Variants in KSR2 observed in about 807,000 individuals in gnomAD.
KSR2 encodes the protein kinase suppressor of ras 2.
Under a neutral mutation model 107.8 loss-of-function variants are expected in KSR2, and 25 were observed. The observed-to-expected ratio is 0.23, with a 90% CI of 0.17 to 0.32. KSR2 has a LOEUF of 0.32. KSR2 is among the 10% of genes least tolerant of loss of function. KSR2 has a pLI of 1.00. For synonymous variants in KSR2, 480 were observed against 507.0 expected (o/e 0.95, Z 0.71); for missense variants, 887 against 1,268.9 (o/e 0.70, Z 4.57).
chr12:117,842,585 C>T lies in KSR2; in HGVS notation c.472+12843G>A, dbSNP rs191352514. Among the ~76,000 whole-genome samples, 110 of 152,314 alleles carry T rather than the reference C, an allele frequency of 7.2e-4. No individual in the cohort carries two copies. Among genetic ancestry groups the T allele is most frequent in the South Asian group, 1.9e-3 (9 of 4,820 alleles). Reference sequence around the variant, plus strand: ...CTCAAAGAGTTCAGGCCCTGCCAAGCACAAGTTCAATGTCAATTCTGCACC... The same window carrying T: ...CTCAAAGAGTTCAGGCCCTGCCAAGTACAAGTTCAATGTCAATTCTGCACC... On this transcript the variant is annotated intron_variant, in intron 3 of 19. Transcript: ENST00000339824. This position sits in a 1 kb window ranked among gnomAD's most constrained non-coding sequence, Gnocchi z 4.2.
At chr12:117,807,191 A>C (rs1367304227) in intron 3 of KSR2, among the ~76,000 whole-genome samples, 1 of 152,150 alleles carries the variant, frequency 6.6e-6, no homozygotes, top group Non-Finnish European at 1.5e-5. Flanking sequence ...CTCAAGAAAC[A>C]AAGCCGGGAG....
chr12:117,607,245 C>T (rs1881326208), intron 5 of KSR2, among the ~76,000 whole-genome samples: 1 of 152,188 alleles, frequency 6.6e-6, no homozygotes, highest in Admixed American at 6.5e-5. Flanking sequence ...GGCTAGTTTG[C>T]ATATACAGGA....
At chr12:117,734,745 C>CATGGATGGATGGATGGATGG (rs1322322640) in intron 4 of KSR2, among the ~76,000 whole-genome samples, 11,326 of 146,260 alleles carry the variant, frequency 0.077, 534 homozygotes, top group East Asian at 0.16. Flanking sequence ...TGCATGCATG[C>CATGGATGGATGGATGGATGG]ATGCATGCAT....
rs201874272 is a variant in KSR2 at position 117,606,596 on chromosome 12, CTTT to C, written c.1172-24240_1172-24238del. Among the ~76,000 whole-genome samples, 65 of 17,108 alleles carry C rather than the reference CTTT, an allele frequency of 3.8e-3. 1 individual carries two copies. Among genetic ancestry groups the C allele is most frequent in the Non-Finnish European group, 8.0e-3 (48 of 5,998 alleles). 11.2% of individuals were successfully genotyped at this position (17,108 alleles called of 152,430 possible). A position where few individuals can be genotyped will look rare whatever the true frequency, so the allele number is the denominator to read the frequency against. ...TCCTCCCTTCCCTTCTTCCTTCCTT[CTTT>C]CCTCCTTCCTTCCTTCCTCCCTCCC... On this transcript the variant is annotated intron_variant, in intron 5 of 19. Coordinates refer to ENST00000339824, the MANE Select transcript of KSR2 (RefSeq NM_173598.6).
rs747049934 is a variant in KSR2, at chr12:117,463,607, C to G, written c.*3592G>C. The G allele has an allele frequency of 1.3e-5, 2 of 152,164 alleles. No individual in the cohort carries two copies. The highest frequency in any genetic ancestry group is 2.9e-5 in the Non-Finnish European group (2 of 68,020). The allele number at this position is 152,164 out of a possible 1,614,324, so 9.4% of individuals were successfully genotyped here. A position where few individuals can be genotyped will look rare whatever the true frequency, so the allele number is the denominator to read the frequency against. Reference sequence around the variant, plus strand: ...AATTTTCATGTCATGAAATATTATTCTTTTGATTTTTCCTCAATTAAAACA... The same window carrying G: ...AATTTTCATGTCATGAAATATTATTGTTTTGATTTTTCCTCAATTAAAACA... On this transcript the variant is annotated 3_prime_UTR_variant, in exon 20 of 20. Transcript: ENST00000339824.
intron 14 of KSR2, among the ~76,000 whole-genome samples, chr12:117,519,443 G>A (rs1874598329): frequency 6.6e-6 from 1 of 152,206 alleles, no homozygotes; most frequent in Non-Finnish European, 1.5e-5. Flanking sequence ...GCGGGGGAGG[G>A]TGGGAGAGAG....
intron 1 of KSR2, among the ~76,000 whole-genome samples, chr12:117,923,955 C>T (rs1895423371): frequency 6.6e-6 from 1 of 150,800 alleles, no homozygotes; most frequent in Non-Finnish European, 1.5e-5. Flanking sequence ...CTCGGCTCAC[C>T]ACAACTTCCA....
intron 3 of KSR2, among the ~76,000 whole-genome samples, chr12:117,767,649 G>T (rs1889286854): frequency 6.7e-6 from 1 of 148,674 alleles, no homozygotes; most frequent in African/African-American, 2.5e-5. Flanking sequence ...GCCAGCTGTG[G>T]TGACCCACGC....
intron 5 of KSR2, among the ~76,000 whole-genome samples, chr12:117,643,315 C>T (rs1428322021): frequency 1.3e-5 from 2 of 152,146 alleles, no homozygotes; most frequent in South Asian, 2.1e-4. Context: ...GGCATGGTGG[C>T]GGGTGCCTGT....
At position 117,481,347 on chromosome 12, in the gene KSR2, T is replaced by TGA. The variant is rs200230294; in HGVS notation, c.2450+3067_2450+3068dup. 7.3e-3 allele frequency among the ~76,000 whole-genome samples: 1,110 copies of TGA among 152,016 alleles called. 16 individuals are homozygous for TGA. Among genetic ancestry groups the TGA allele is most frequent in the African/African-American group, 0.026 (1,071 of 41,452 alleles). ...TTTAGTGATAAAGCCTATAGGGAGGTGATTAAGGTTAAATGAGATTGTAAG... is the reference window on the plus strand; with the variant it reads ...TTTAGTGATAAAGCCTATAGGGAGGTGAGATTAAGGTTAAATGAGATTGTAAG... On this transcript the variant is annotated intron_variant, in intron 16 of 19. Transcript: ENST00000339824.
chr12:117,469,769 A>G lies in KSR2; in HGVS notation c.2739T>C (p.Phe913=), dbSNP rs780356906. Residue 913 remains phenylalanine (F), a synonymous_variant, in exon 19 of 20, where the codon TTT becomes TTC. Coordinates refer to ENST00000339824, the MANE Select transcript of KSR2 (RefSeq NM_173598.6). ...TGAAGGTAGGTCTCTCTTCTTGTTCAAAGGCCCAGCAGAAGAGAAGAATGT... is the reference window on the plus strand; with the variant it reads ...TGAAGGTAGGTCTCTCTTCTTGTTCGAAGGCCCAGCAGAAGAGAAGAATGT... The part of the protein sequence containing the change: ...ISDILLFCWA[F]EQEERPTFTK... 1 of 1,613,920 alleles carries G rather than the reference A, an allele frequency of 6.2e-7. No individual in the cohort carries two copies. Among genetic ancestry groups the G allele is most frequent in the South Asian group, 1.1e-5 (1 of 91,016 alleles).
intron 4 of KSR2, among the ~76,000 whole-genome samples, chr12:117,705,312 A>G (rs1016934894): frequency 1.3e-5 from 2 of 152,210 alleles, no homozygotes; most frequent in Non-Finnish European, 2.9e-5. Context: ...CCTGCACTGC[A>G]AAATGCCAGC....
intron 5 of KSR2, among the ~76,000 whole-genome samples, chr12:117,665,645 ACAT>A (rs1372288954): frequency 6.6e-6 from 1 of 152,212 alleles, no homozygotes; most frequent in Non-Finnish European, 1.5e-5. Context: ...CAAGAATAAA[ACAT>A]CATCATAAAA....
chr12:117,870,050 AG>A (rs1893600317), intron 1 of KSR2, among the ~76,000 whole-genome samples: 1 of 152,216 alleles, frequency 6.6e-6, no homozygotes, highest in Admixed American at 6.5e-5. Flanking sequence ...GTGATCCCAA[AG>A]CTCTGTCTCT....
intron 14 of KSR2, among the ~76,000 whole-genome samples, chr12:117,487,292 C>G (rs1872517509): frequency 6.6e-6 from 1 of 152,236 alleles, no homozygotes; most frequent in Non-Finnish European, 1.5e-5. Flanking sequence ...GTATACTAAT[C>G]TAAAATGCCA....
intron 1 of KSR2, among the ~76,000 whole-genome samples, chr12:117,891,915 A>G (rs568925452): frequency 7.0e-4 from 106 of 152,244 alleles, no homozygotes; most frequent in African/African-American, 2.5e-3. Context: ...TGGGAGGATC[A>G]CTTGAGCCCG....
At chr12:117,870,532 G>A (rs1322360234) in intron 1 of KSR2, among the ~76,000 whole-genome samples, 1 of 152,122 alleles carries the variant, frequency 6.6e-6, no homozygotes, top group East Asian at 1.9e-4. Context: ...TTTGGAGGCA[G>A]AGGCTGCAGT....
intron 1 of KSR2, among the ~76,000 whole-genome samples, chr12:117,909,953 C>CA (rs1432300395): frequency 6.6e-6 from 1 of 151,580 alleles, no homozygotes; most frequent in Non-Finnish European, 1.5e-5. Flanking sequence ...GGCATGGTGG[C>CA]ATGGTGGCTC....
chr12:117,790,189 G>A (rs774677485), intron 3 of KSR2, among the ~76,000 whole-genome samples: 14 of 152,174 alleles, frequency 9.2e-5, no homozygotes, highest in African/African-American at 1.4e-4. Context: ...GGTTAAGGAC[G>A]TGCCTGTGAC....
Sources: gnomAD v4.1 joint callset for allele counts (sites outside exome capture counted in the v4.1 genomes callset) on GRCh38, gnomAD v4.1.1 for gene constraint, Gnocchi (gnomAD v3.1) non-coding constraint, MANE v1.5 for transcripts, NCBI Gene and HGNC (gene_info 2026-07-23, HGNC 2026-07-21) for gene names.